Variants in MACROD2 observed in about 807,000 individuals in gnomAD.
The protein encoded by MACROD2 is ADP-ribose glycohydrolase MACROD2.
In MACROD2, 36 loss-of-function variants were observed where a neutral mutation model predicts 70.4. The observed-to-expected ratio is 0.51, with a 90% CI of 0.39 to 0.68. The LOEUF (loss-of-function observed/expected upper bound fraction) is 0.68, where lower values mean the gene tolerates loss of function less well. Among genes scored for constraint, MACROD2 ranks in the 30% least tolerant of loss-of-function variants. The probability of loss-of-function intolerance (pLI) is 0.00; values close to 1 mark genes in which losing one functional copy is unlikely to be tolerated. For synonymous variants in MACROD2, 172 were observed against 178.8 expected, an observed-to-expected ratio of 0.96 and a Z score of 0.30; for missense variants, 496 against 538.4, an observed-to-expected ratio of 0.92 and a Z score of 0.78.
intron 3 of MACROD2, among the ~76,000 whole-genome samples, chr20:14,350,537 T>C (rs1034260726): frequency 9.2e-5 from 14 of 152,190 alleles, no homozygotes; most frequent in Non-Finnish European, 1.8e-4. Flanking sequence ...CCTATGCCTG[T>C]TTGCTATTTG....
intron 5 of MACROD2, among the ~76,000 whole-genome samples, chr20:14,977,297 AT>A (rs777982225): frequency 0.036 from 4,662 of 129,950 alleles, 91 homozygotes; most frequent in African/African-American, 0.055. Context: ...TAACACCTTG[AT>A]TTTTTTTTTT....
At chr20:15,450,364 G>C (rs6079833) in intron 7 of MACROD2, among the ~76,000 whole-genome samples, 1 of 151,644 alleles carries the variant, frequency 6.6e-6, no homozygotes, top group African/African-American at 2.4e-5. Context: ...AAACATATAA[G>C]TACTGCCCAT....
chr20:14,326,729 T>C lies in MACROD2; in HGVS notation c.272-166750T>C. 2 of 1,613,782 alleles carry C rather than the reference T, an allele frequency of 1.2e-6. No individual in the cohort carries two copies. Among genetic ancestry groups the C allele is most frequent in the Non-Finnish European group, 1.7e-6 (2 of 1,179,812 alleles). ...GAAAAAGCATTTGGGGGCACCCGAT[T>C]GATGTGGTTATCTTGAAGATAAAGC... is the stretch of plus-strand genomic sequence containing the variant. On this transcript the variant is annotated intron_variant, in intron 3 of 17. Coordinates refer to ENST00000684519, the MANE Select transcript of MACROD2 (RefSeq NM_001351661.2). This position sits in a 1 kb window ranked among gnomAD's most constrained non-coding sequence, Gnocchi z 5.5.
intron 12 of MACROD2, among the ~76,000 whole-genome samples, chr20:15,942,352 A>C (rs2065762389): frequency 6.6e-6 from 1 of 152,188 alleles, no homozygotes; most frequent in South Asian, 2.1e-4. Context: ...ATGCTGATGA[A>C]TAATTCATCC....
Position 14,424,691 on chromosome 20 carries a change from C to T in MACROD2, c.272-68788C>T, listed in dbSNP as rs796189515. Among the ~76,000 whole-genome samples, 129 of 152,236 alleles carry T rather than the reference C, an allele frequency of 8.5e-4. 1 individual carries two copies. The highest frequency in any genetic ancestry group is 2.8e-3 in the African/African-American group (116 of 41,540). On this transcript the variant is annotated intron_variant, in intron 3 of 17. Coordinates refer to ENST00000684519, the MANE Select transcript of MACROD2 (RefSeq NM_001351661.2). ...CCAATTTATGATGTTTGCCATAGTC[C>T]TGGAAGGTGGCAGTATTTATGTCAA...
chr20:14,687,544 A>C (rs557286916), intron 5 of MACROD2, among the ~76,000 whole-genome samples: 1 of 152,206 alleles, frequency 6.6e-6, no homozygotes, highest in Admixed American at 6.5e-5. Flanking sequence ...CTTCGAACTG[A>C]AGTGTGGCTT....
At chr20:15,102,491 C>A (rs2075880476) in intron 5 of MACROD2, among the ~76,000 whole-genome samples, 1 of 151,886 alleles carries the variant, frequency 6.6e-6, no homozygotes, top group Admixed American at 6.6e-5. Context: ...AATCTTGCAA[C>A]TTTGGGACCT....
chr20:14,313,733 C>T (rs1395902531), intron 3 of MACROD2, among the ~76,000 whole-genome samples: 1 of 152,150 alleles, frequency 6.6e-6, no homozygotes, highest in Non-Finnish European at 1.5e-5. Flanking sequence ...AACTAAGTTT[C>T]TGTAGCTGGA....
chr20:15,899,103 ATATG>A (rs745540810), intron 10 of MACROD2, among the ~76,000 whole-genome samples: 114 of 151,788 alleles, frequency 7.5e-4, no homozygotes, highest in Non-Finnish European at 1.5e-3. Flanking sequence ...TGTGCTATCT[ATATG>A]TATGTATATA....
At chr20:14,191,123 G>T (rs969541725) in intron 3 of MACROD2, among the ~76,000 whole-genome samples, 2 of 152,102 alleles carry the variant, frequency 1.3e-5, no homozygotes, top group Non-Finnish European at 2.9e-5. Flanking sequence ...TACATCTTGT[G>T]TACGTATTGC....
At chr20:14,270,199 A>G (rs1044888077) in intron 3 of MACROD2, among the ~76,000 whole-genome samples, 2 of 152,208 alleles carry the variant, frequency 1.3e-5, no homozygotes, top group African/African-American at 2.4e-5. Context: ...GAAAGTGTCT[A>G]TATGCACACA....
chr20:14,828,214 A>G (rs895269689), intron 5 of MACROD2, among the ~76,000 whole-genome samples: 3 of 152,140 alleles, frequency 2.0e-5, no homozygotes, highest in African/African-American at 4.8e-5. Flanking sequence ...TTCTAAGTAT[A>G]TAGCAGAATT....
chr20:15,113,051 T>C (rs1326146991), intron 5 of MACROD2, among the ~76,000 whole-genome samples: 1 of 152,124 alleles, frequency 6.6e-6, no homozygotes, highest in Non-Finnish European at 1.5e-5. Flanking sequence ...TTGTTCCTTC[T>C]GGCTATTGCC....
chr20:15,623,359 G>A (rs141376130), intron 8 of MACROD2, among the ~76,000 whole-genome samples: 71 of 152,278 alleles, frequency 4.7e-4, no homozygotes, highest in Non-Finnish European at 7.5e-4. Context: ...ACTTACATGC[G>A]CATCAAACAT....
intron 5 of MACROD2, among the ~76,000 whole-genome samples, chr20:15,006,500 CA>C (rs1008307333): frequency 6.6e-6 from 1 of 151,556 alleles, no homozygotes; most frequent in Non-Finnish European, 1.5e-5. Flanking sequence ...ATTCCCACCA[CA>C]AAAAAAGGTA....
chr20:14,402,947 G>A (rs1239224638), intron 3 of MACROD2, among the ~76,000 whole-genome samples: 1 of 152,104 alleles, frequency 6.6e-6, no homozygotes, highest in Non-Finnish European at 1.5e-5. Flanking sequence ...AGACTCAAAG[G>A]AATGTAAATG....
intron 6 of MACROD2, among the ~76,000 whole-genome samples, chr20:15,259,643 G>A (rs2077230849): frequency 6.6e-6 from 1 of 152,030 alleles, no homozygotes; most frequent in Non-Finnish European, 1.5e-5. Flanking sequence ...AGCAATGAAT[G>A]TAGAAGGCAG....
chr20:14,742,383 C>T (rs923304319), intron 5 of MACROD2, among the ~76,000 whole-genome samples: 3 of 151,986 alleles, frequency 2.0e-5, no homozygotes, highest in African/African-American at 4.8e-5. Context: ...CACATATAGC[C>T]ATTTTTCCAT....
intron 4 of MACROD2, among the ~76,000 whole-genome samples, chr20:14,671,090 C>T (rs971504644): frequency 2.0e-5 from 3 of 152,094 alleles, no homozygotes; most frequent in African/African-American, 7.2e-5. Context: ...CTAAATTGGG[C>T]ATATAGCCTG....
Sources: allele counts gnomAD v4.1 joint callset (sites outside exome capture counted in the v4.1 genomes callset), GRCh38; gene constraint gnomAD v4.1.1; non-coding constraint Gnocchi (gnomAD v3.1); transcripts MANE v1.5; gene names NCBI Gene and HGNC (gene_info 2026-07-23, HGNC 2026-07-21).